Variants in GABPA observed in about 807,000 individuals in gnomAD.
GABPA encodes the protein GA binding protein transcription factor subunit alpha, also known as GA-binding protein alpha chain.
GABPA carries 4 observed loss-of-function variants against 59.4 expected under a neutral mutation model. The observed-to-expected ratio is 0.07, with a 90% confidence interval of 0.03 to 0.15. The LOEUF (loss-of-function observed/expected upper bound fraction) is 0.15, where lower values mean the gene tolerates loss of function less well. Among genes scored for constraint, GABPA ranks in the 10% least tolerant of loss-of-function variants. The pLI is 1.00. For synonymous variants in GABPA, 164 were observed against 183.1 expected (o/e 0.90, Z 0.84); for missense variants, 251 against 543.8 (o/e 0.46, Z 5.36).
At chr21:25,767,772 G>A (rs1329747212) in intron 9 of GABPA, among the ~76,000 whole-genome samples, 1 of 152,004 alleles carries the variant, frequency 6.6e-6, no homozygotes. Flanking sequence ...TGACATAAAT[G>A]GAAACTACAA....
chr21:25,766,016 C>T (rs902650285), intron 9 of GABPA, among the ~76,000 whole-genome samples: 1 of 151,942 alleles, frequency 6.6e-6, no homozygotes, highest in African/African-American at 2.4e-5. Flanking sequence ...ACTTGTCCCA[C>T]AGGATATTGA....
intron 1 of GABPA, among the ~76,000 whole-genome samples, chr21:25,739,984 C>G (rs1231487521): frequency 6.6e-6 from 1 of 152,116 alleles, no homozygotes; most frequent in Non-Finnish European, 1.5e-5. Flanking sequence ...TGTGAGGGGA[C>G]AAGAGTGGAC....
At chr21:25,749,160 C>T (rs2035443903) in intron 4 of GABPA, 40 bp downstream of exon 4, 1 of 1,175,900 alleles carries the variant, frequency 8.5e-7, no homozygotes, top group Admixed American at 2.0e-5. Flanking sequence ...AATTTTAGCT[C>T]ATGTTTTTCT....
chr21:25,750,998 G>A (rs975427547), intron 4 of GABPA, among the ~76,000 whole-genome samples: 3 of 152,118 alleles, frequency 2.0e-5, no homozygotes, highest in African/African-American at 7.2e-5. Flanking sequence ...TCGAAGTTGA[G>A]TTGTGCTTTT....
chr21:25,763,476 C>T (rs1475476074), intron 7 of GABPA: 1 of 169,776 alleles, frequency 5.9e-6, no homozygotes, highest in African/African-American at 2.4e-5. Flanking sequence ...ACCAAGTATA[C>T]CTGTTGTAGG....
intron 9 of GABPA, among the ~76,000 whole-genome samples, chr21:25,767,890 C>G (rs112112628): frequency 1.5e-4 from 23 of 152,028 alleles, no homozygotes; most frequent in African/African-American, 5.6e-4. Flanking sequence ...TAGGTCAGTC[C>G]TTTCATTAAT....
intron 9 of GABPA, among the ~76,000 whole-genome samples, chr21:25,765,848 C>T (rs1601155567): frequency 8.6e-6 from 1 of 116,522 alleles, no homozygotes; most frequent in Admixed American, 8.9e-5. Context: ...GATGTCAGTT[C>T]CCCCCCAGAT....
rs764050846 is a variant in GABPA, at chr21:25,772,408, G to A, written c.*3176G>A. 6.6e-6 allele frequency: 1 copy of A among 151,790 alleles called. No homozygotes were observed. Among genetic ancestry groups the A allele is most frequent in the Non-Finnish European group, 1.5e-5 (1 of 67,884 alleles). The allele number at this position is 151,790 out of a possible 1,614,324, so 9.4% of individuals were successfully genotyped here. On this transcript the variant is annotated 3_prime_UTR_variant, in exon 10 of 10. Transcript: ENST00000400075. The stretch of plus-strand genomic sequence containing the variant: ...TCTATTTTTACGCAGATAAATATTT[G>A]TGCATAAAATGTAAAAATAGTAAAA...
At chr21:25,768,093 A>T (rs993519388) in intron 9 of GABPA, among the ~76,000 whole-genome samples, 2 of 152,066 alleles carry the variant, frequency 1.3e-5, no homozygotes, top group African/African-American at 4.8e-5. Context: ...TGGAATTAGC[A>T]ATACATAGTG....
chr21:25,754,000 A>C (rs1158020917), intron 5 of GABPA, among the ~76,000 whole-genome samples: 1 of 152,148 alleles, frequency 6.6e-6, no homozygotes, highest in Non-Finnish European at 1.5e-5. Flanking sequence ...GAGCTATGGA[A>C]CCAGACAGCT....
In GABPA at chr21:25,771,885, T is replaced by TGCTATGTGTG. The variant is rs1469874893; in HGVS notation, c.*2655_*2664dup. 1 of 152,098 alleles carries TGCTATGTGTG rather than the reference T, an allele frequency of 6.6e-6. No homozygotes were observed. Among genetic ancestry groups the TGCTATGTGTG allele is most frequent in the African/African-American group, 2.4e-5 (1 of 41,468 alleles). 9.4% of individuals were successfully genotyped at this position (152,098 alleles called of 1,614,324 possible). On this transcript the variant is annotated 3_prime_UTR_variant, in exon 10 of 10. Coordinates refer to ENST00000400075, the MANE Select transcript of GABPA (RefSeq NM_002040.4). ...ATCAGAAAAACAAATGAGGCAGAAT[T>TGCTATGTGTG]GCTATGTGTGGTTGATCTTCAGATA...
chr21:25,762,634 T>C (rs2035792491), intron 7 of GABPA, among the ~76,000 whole-genome samples: 1 of 152,176 alleles, frequency 6.6e-6, no homozygotes, highest in Non-Finnish European at 1.5e-5. Flanking sequence ...GACTGTTAAT[T>C]ACCAAGTTGT....
chr21:25,742,103 G>A (rs1202024007), intron 2 of GABPA, among the ~76,000 whole-genome samples: 1 of 152,218 alleles, frequency 6.6e-6, no homozygotes, highest in Non-Finnish European at 1.5e-5. Flanking sequence ...TTGTATTTGA[G>A]GAGACATACA....
intron 2 of GABPA, among the ~76,000 whole-genome samples, chr21:25,744,142 G>A (rs1006001999): frequency 6.7e-6 from 1 of 149,334 alleles, no homozygotes; most frequent in Admixed American, 6.7e-5. Context: ...AACAATAGTA[G>A]ACTAGTATTT....
chr21:25,755,477 G>T (rs530899372), intron 5 of GABPA, among the ~76,000 whole-genome samples: 5 of 150,520 alleles, frequency 3.3e-5, no homozygotes, highest in African/African-American at 1.2e-4. Context: ...AGTTTCAAAC[G>T]TGTCAATATT....
At chr21:25,745,116 G>A in intron 2 of GABPA, 94 bp from the exon 3 acceptor site, 2 of 1,346,794 alleles carry the variant, frequency 1.5e-6, no homozygotes, top group Non-Finnish European at 2.1e-6. Context: ...GACCAGAAAT[G>A]TGTTTTGGTT....
intron 3 of GABPA, among the ~76,000 whole-genome samples, chr21:25,747,678 AT>A (rs1568942720): frequency 1.3e-5 from 2 of 152,222 alleles, no homozygotes; most frequent in African/African-American, 2.4e-5. Context: ...ACAAGATCAA[AT>A]ACCAGGCTTG....
intron 7 of GABPA, chr21:25,763,195 G>A (rs2146096059): frequency 3.9e-6 from 2 of 517,574 alleles, no homozygotes; most frequent in South Asian, 1.6e-5. Context: ...CACAGTTGCT[G>A]TCTCTTAAAC....
At chr21:25,752,375 T>TGCGTTACAATTA in intron 5 of GABPA, 141 bp downstream of exon 5, 1 of 914,906 alleles carries the variant, frequency 1.1e-6, no homozygotes, top group Non-Finnish European at 1.6e-6. Flanking sequence ...CTTTTAATTG[T>TGCGTTACAATTA]AACGCACATT....
Sources: gnomAD v4.1 joint callset for allele counts (sites outside exome capture counted in the v4.1 genomes callset) on GRCh38, gnomAD v4.1.1 for gene constraint, MANE v1.5 for transcripts, NCBI Gene and HGNC (gene_info 2026-07-23, HGNC 2026-07-21) for gene names.